Variants in SYN3 observed in about 807,000 individuals in gnomAD.
SYN3 encodes the protein synapsin-3.
A neutral mutation model predicts 65.8 loss-of-function variants in SYN3; 35 were observed. That is an observed-to-expected ratio of 0.53 (90% confidence interval 0.41 to 0.70). The LOEUF (loss-of-function observed/expected upper bound fraction) is 0.70, where lower values mean the gene tolerates loss of function less well. Among genes scored for constraint, SYN3 ranks in the 30% least tolerant of loss-of-function variants. The probability of loss-of-function intolerance (pLI) is 0.00; values close to 1 mark genes in which losing one functional copy is unlikely to be tolerated. For synonymous variants in SYN3, 270 were observed against 292.9 expected (o/e 0.92, Z 0.80); for missense variants, 680 against 749.0 (o/e 0.91, Z 1.08).
chr22:32,724,352 A>G (rs1333918465), intron 6 of SYN3, among the ~76,000 whole-genome samples: 2 of 152,112 alleles, frequency 1.3e-5, no homozygotes, highest in East Asian at 1.9e-4. Flanking sequence ...TCAGCTTCCC[A>G]TGTATCTGGG....
intron 7 of SYN3, among the ~76,000 whole-genome samples, chr22:32,569,559 C>CTGTATATATA (rs1289552626): frequency 2.0e-5 from 1 of 51,202 alleles, no homozygotes; most frequent in African/African-American, 5.6e-5. Flanking sequence ...CTCTCTCTCT[C>CTGTATATATA]TCTCTCTCTC....
rs540381462 is a variant in SYN3, at chr22:32,808,888, G to A, written c.711+56027C>T. ...GCTGGGAGAAAGAACTTAGGGCTGC[G>A]TGCCACCCAGAGGGATAAACCTAAC... On this transcript the variant is annotated intron_variant, in intron 6 of 13. Transcript: ENST00000358763. Among the ~76,000 whole-genome samples, 25 of 152,298 alleles carry A rather than the reference G, an allele frequency of 1.6e-4. No homozygotes were observed. In the South Asian group the frequency reaches 4.6e-3, roughly 28 times the overall value.
At chr22:32,613,731 T>A (rs1289902504) in intron 6 of SYN3, among the ~76,000 whole-genome samples, 1 of 152,206 alleles carries the variant, frequency 6.6e-6, no homozygotes, top group Non-Finnish European at 1.5e-5. Context: ...TTATTACGTA[T>A]TGACTGAACT....
At chr22:32,844,217 C>CAG (rs143934772) in intron 6 of SYN3, among the ~76,000 whole-genome samples, 1 of 151,708 alleles carries the variant, frequency 6.6e-6, no homozygotes, top group African/African-American at 2.4e-5. Context: ...GGGATAGAAG[C>CAG]AGAGAGAGAG....
Position 32,872,986 on chromosome 22 carries a change from T to C in SYN3, c.462-3861A>G, listed in dbSNP as rs1225947553. ...AGACAGAGTCTGGCTCTATTGTCCA[T>C]ATTGTCCAGGCTGGTGTGCAATGGT... On this transcript the variant is annotated intron_variant, in intron 4 of 13. Transcript: ENST00000358763. Among the ~76,000 whole-genome samples the C allele has an allele frequency of 2.1e-5, 3 of 145,692 alleles. No homozygotes were observed. The East Asian group carries it at 6.1e-4, about 29-fold the overall frequency.
intron 7 of SYN3, chr22:32,583,880 C>A (rs1239332631): frequency 6.6e-6 from 1 of 152,194 alleles, no homozygotes; most frequent in African/African-American, 2.4e-5. Context: ...CCTATAGCTA[C>A]GATCAGTGAC....
At chr22:32,655,734 C>T (rs960277650) in intron 6 of SYN3, among the ~76,000 whole-genome samples, 1 of 152,142 alleles carries the variant, frequency 6.6e-6, no homozygotes, top group African/African-American at 2.4e-5. Flanking sequence ...GCTCAGGGCT[C>T]CCACTGATTC....
At chr22:32,959,334 A>G (rs543611300) in intron 3 of SYN3, among the ~76,000 whole-genome samples, 2 of 152,076 alleles carry the variant, frequency 1.3e-5, no homozygotes, top group Non-Finnish European at 2.9e-5. Context: ...TGTAAGTCCA[A>G]TTAAACTTCT....
chr22:32,609,453 C>T lies in SYN3; in HGVS notation c.712-12717G>A, dbSNP rs542223429. On this transcript the variant is annotated intron_variant, in intron 6 of 13. Coordinates refer to ENST00000358763, the MANE Select transcript of SYN3 (RefSeq NM_003490.4). The stretch of plus-strand genomic sequence containing the variant: ...ACCTGTGCAGAAATATACTTAAACT[C>T]TAGTGATGACATCCTGCCTGGTGTT... Among the ~76,000 whole-genome samples, 4 of 150,142 alleles carry T rather than the reference C, an allele frequency of 2.7e-5. No homozygotes were observed. In the East Asian group the frequency reaches 7.8e-4, roughly 29 times the overall value.
At chr22:32,859,472 T>A (rs2048475705) in intron 6 of SYN3, 1 of 1,435,744 alleles carries the variant, frequency 7.0e-7, no homozygotes, top group African/African-American at 1.4e-5. Flanking sequence ...AATTAGTGCC[T>A]GTTTTCTTGC....
intron 4 of SYN3, among the ~76,000 whole-genome samples, chr22:32,872,341 A>G (rs541302932): frequency 6.6e-5 from 10 of 152,322 alleles, no homozygotes; most frequent in African/African-American, 2.4e-4. Context: ...TGGAAAGGGG[A>G]GGGATCACTT....
At chr22:32,982,046 ATT>A (rs2052389106) in intron 2 of SYN3, among the ~76,000 whole-genome samples, 1 of 152,194 alleles carries the variant, frequency 6.6e-6, no homozygotes, top group Non-Finnish European at 1.5e-5. Flanking sequence ...ATCCAGTTTC[ATT>A]CTCAAGTATA....
chr22:32,575,084 A>T (rs1046096678), intron 7 of SYN3, among the ~76,000 whole-genome samples: 2 of 152,194 alleles, frequency 1.3e-5, no homozygotes, highest in East Asian at 3.9e-4. Flanking sequence ...ACTGAATTCT[A>T]TGGAGGGAAT....
chr22:32,645,070 C>A (rs1344530904), intron 6 of SYN3, among the ~76,000 whole-genome samples: 2 of 152,140 alleles, frequency 1.3e-5, no homozygotes, highest in Non-Finnish European at 2.9e-5. Context: ...AGGGGAGAAT[C>A]CAGAGAGGAC....
chr22:32,621,504 T>G (rs902479243), intron 6 of SYN3, among the ~76,000 whole-genome samples: 3 of 152,080 alleles, frequency 2.0e-5, no homozygotes, highest in African/African-American at 7.2e-5. Flanking sequence ...CAGCTTGGAT[T>G]TTGTGACTGC....
At chr22:32,804,203 T>G (rs1297497608) in intron 6 of SYN3, among the ~76,000 whole-genome samples, 1 of 152,240 alleles carries the variant, frequency 6.6e-6, no homozygotes, top group Admixed American at 6.5e-5. Flanking sequence ...CAAATTGTTC[T>G]GCCTGGGTTT....
chr22:32,832,898 T>C (rs1276138044), intron 6 of SYN3, among the ~76,000 whole-genome samples: 2 of 152,016 alleles, frequency 1.3e-5, no homozygotes, highest in Non-Finnish European at 2.9e-5. Flanking sequence ...CAGCTAATTT[T>C]TTTTTCGTGG....
At chr22:32,530,990 AAAC>A (rs1205971048) in intron 10 of SYN3, among the ~76,000 whole-genome samples, 1 of 151,504 alleles carries the variant, frequency 6.6e-6, no homozygotes, top group Non-Finnish European at 1.5e-5. Flanking sequence ...GCAGAAGGGG[AAAC>A]TAGGATCCCT....
At chr22:32,719,721 T>C (rs1211827951) in intron 6 of SYN3, among the ~76,000 whole-genome samples, 1 of 152,030 alleles carries the variant, frequency 6.6e-6, no homozygotes, top group Non-Finnish European at 1.5e-5. Flanking sequence ...GGTGGCATGT[T>C]CCTGTAGTCC....
Sources: allele counts gnomAD v4.1 joint callset (sites outside exome capture counted in the v4.1 genomes callset), GRCh38; gene constraint gnomAD v4.1.1; transcripts MANE v1.5; gene names NCBI Gene and HGNC (gene_info 2026-07-23, HGNC 2026-07-21).